Variants in MEMO1 observed in about 807,000 individuals in gnomAD.
MEMO1 encodes the protein protein MEMO1.
MEMO1 carries 6 observed loss-of-function variants against 45.2 expected under a neutral mutation model. The ratio of observed to expected loss-of-function variants is 0.13; its 90% confidence interval spans 0.07 to 0.26. MEMO1 has a LOEUF of 0.26. Ranked by LOEUF, MEMO1 falls within the 10% of genes least tolerant of loss-of-function variation. The pLI is 1.00. For missense variants in MEMO1, 184 were observed against 370.5 expected, an observed-to-expected ratio of 0.50 and a Z score of 4.13; for synonymous variants, 78 against 124.3, an observed-to-expected ratio of 0.63 and a Z score of 2.48.
rs570137352 is a variant in MEMO1 at position 31,882,565 on chromosome 2, C to T, written c.657+821G>A. Among the ~76,000 whole-genome samples, 5 of 152,134 alleles carry T rather than the reference C, an allele frequency of 3.3e-5. No homozygotes were observed. In the South Asian group the frequency reaches 8.3e-4, roughly 25 times the overall value. On this transcript the variant is annotated intron_variant, in intron 8 of 9. Coordinates refer to ENST00000404530, the MANE Select transcript of MEMO1 (RefSeq NM_001301833.4). The stretch of plus-strand genomic sequence containing the variant: ...ATAAATATGCCTCTGTCAGGTCAAA[C>T]TGCTGGTCCAAGGAAATAATAAAAA...
intron 6 of MEMO1, among the ~76,000 whole-genome samples, chr2:31,898,153 T>G (rs541143672): frequency 1.3e-5 from 2 of 152,000 alleles, no homozygotes; most frequent in Non-Finnish European, 2.9e-5. Context: ...CGTTAATCTT[T>G]TGAAAAAACC....
chr2:31,962,928 T>C (rs527752788), intron 2 of MEMO1, among the ~76,000 whole-genome samples: 5 of 152,312 alleles, frequency 3.3e-5, no homozygotes, highest in African/African-American at 1.2e-4. Context: ...CCTATGTGGG[T>C]AGGCCCCACC....
At chr2:31,974,412 T>C (rs1472767923) in intron 2 of MEMO1, among the ~76,000 whole-genome samples, 2 of 152,200 alleles carry the variant, frequency 1.3e-5, no homozygotes, top group Non-Finnish European at 2.9e-5. Context: ...TAAGGTGTTA[T>C]ATACTTTTCC....
intron 8 of MEMO1, among the ~76,000 whole-genome samples, chr2:31,870,189 A>G (rs1007672024): frequency 1.3e-5 from 2 of 152,128 alleles, no homozygotes; most frequent in African/African-American, 4.8e-5. Context: ...ATTTTCTCCA[A>G]ACTCCAGGTA....
At chr2:31,915,004 T>TG (rs1681216846) in intron 6 of MEMO1, among the ~76,000 whole-genome samples, 1 of 149,314 alleles carries the variant, frequency 6.7e-6, no homozygotes, top group South Asian at 2.1e-4. Context: ...CAGTGGTTCA[T>TG]GCCTATAATC....
chr2:31,875,310 G>A (rs1273793751), intron 8 of MEMO1, among the ~76,000 whole-genome samples: 1 of 152,044 alleles, frequency 6.6e-6, no homozygotes, highest in African/African-American at 2.4e-5. Flanking sequence ...AAGTCAACCT[G>A]GGCTAAGTGG....
chr2:31,929,117 T>C (rs1490244305), intron 4 of MEMO1, among the ~76,000 whole-genome samples: 1 of 152,188 alleles, frequency 6.6e-6, no homozygotes, highest in Non-Finnish European at 1.5e-5. Context: ...AGGAATTACA[T>C]AGCTGTATTG....
At chr2:31,992,829 T>C (rs919751201) in intron 2 of MEMO1, among the ~76,000 whole-genome samples, 1 of 152,050 alleles carries the variant, frequency 6.6e-6, no homozygotes, top group South Asian at 2.1e-4. Flanking sequence ...GGAGCATTTA[T>C]AGAGAATTAA....
intron 6 of MEMO1, among the ~76,000 whole-genome samples, chr2:31,903,984 C>T (rs1025327392): frequency 6.6e-6 from 1 of 152,082 alleles, no homozygotes; most frequent in African/African-American, 2.4e-5. Context: ...CATTTGAAGA[C>T]CTTCATTGAG....
At chr2:31,953,584 T>C (rs1249383230) in intron 2 of MEMO1, among the ~76,000 whole-genome samples, 3 of 151,824 alleles carry the variant, frequency 2.0e-5, no homozygotes, top group Non-Finnish European at 2.9e-5. Flanking sequence ...GTCTCCTGAG[T>C]AGCTGAGATT....
intron 8 of MEMO1, among the ~76,000 whole-genome samples, chr2:31,870,226 T>C (rs1478497657): frequency 1.3e-5 from 2 of 152,156 alleles, no homozygotes; most frequent in Admixed American, 1.3e-4. Flanking sequence ...TAACCAGTTG[T>C]CATTTAGCTC....
chr2:31,878,211 C>T (rs773532926), intron 8 of MEMO1, among the ~76,000 whole-genome samples: 21 of 151,966 alleles, frequency 1.4e-4, no homozygotes, highest in African/African-American at 2.9e-4. Context: ...AGTGTGTCCA[C>T]GGTAGAGTGA....
At chr2:31,911,612 C>T (rs900270987) in intron 6 of MEMO1, among the ~76,000 whole-genome samples, 4 of 152,080 alleles carry the variant, frequency 2.6e-5, no homozygotes, top group African/African-American at 7.2e-5. Flanking sequence ...CAGGAAAAAC[C>T]GCTTAGGTAG....
chr2:31,923,963 G>GC (rs1265779269), intron 4 of MEMO1, among the ~76,000 whole-genome samples: 1 of 152,058 alleles, frequency 6.6e-6, no homozygotes, highest in Admixed American at 6.5e-5. Context: ...AGGAAAAAGA[G>GC]CCCCACCAAT....
At chr2:31,874,267 A>C (rs1572531983) in intron 8 of MEMO1, among the ~76,000 whole-genome samples, 1 of 152,094 alleles carries the variant, frequency 6.6e-6, no homozygotes, top group East Asian at 1.9e-4. Context: ...TTACAAGATC[A>C]GTATCTCCAA....
chr2:31,933,351 T>TATATATA (rs869274123), intron 3 of MEMO1, among the ~76,000 whole-genome samples: 2 of 45,090 alleles, frequency 4.4e-5, no homozygotes, highest in Non-Finnish European at 7.5e-5. Flanking sequence ...AAAAAAAAAT[T>TATATATA]TATATATATA....
chr2:31,979,837 G>A (rs977282394), intron 2 of MEMO1, among the ~76,000 whole-genome samples: 5 of 152,000 alleles, frequency 3.3e-5, no homozygotes, highest in Non-Finnish European at 7.4e-5. Context: ...CTGAACTGTA[G>A]CAGGGGCTCG....
At chr2:32,003,170 C>G (rs369461287) in intron 2 of MEMO1, among the ~76,000 whole-genome samples, 9 of 152,086 alleles carry the variant, frequency 5.9e-5, no homozygotes, top group Non-Finnish European at 1.2e-4. Flanking sequence ...CCTAAACTTA[C>G]AGTACATGCC....
intron 2 of MEMO1, among the ~76,000 whole-genome samples, chr2:31,995,033 A>G (rs941970362): frequency 2.6e-5 from 4 of 152,154 alleles, no homozygotes; most frequent in Admixed American, 2.0e-4. Flanking sequence ...AGGCAGGCAA[A>G]CATGACCAAT....
Sources: gnomAD v4.1 joint callset for allele counts (sites outside exome capture counted in the v4.1 genomes callset) on GRCh38, gnomAD v4.1.1 for gene constraint, MANE v1.5 for transcripts, NCBI Gene and HGNC (gene_info 2026-07-23, HGNC 2026-07-21) for gene names.